The following MRPS27 variants were observed in gnomAD, a reference collection of about 807,000 sequenced individuals.
The protein encoded by MRPS27 is mitochondrial ribosomal protein S27.
In MRPS27, 43 loss-of-function variants were observed where a neutral mutation model predicts 48.9. The ratio of observed to expected loss-of-function variants is 0.88; its 90% confidence interval spans 0.69 to 1.13. The LOEUF is 1.13. Among genes scored for constraint, MRPS27 ranks in the 50% most tolerant of loss-of-function variants. The probability of loss-of-function intolerance (pLI) is 0.00; values close to 1 mark genes in which losing one functional copy is unlikely to be tolerated. For missense variants in MRPS27, 467 were observed against 476.3 expected (o/e 0.98, Z 0.18); for synonymous variants, 188 against 171.9 (o/e 1.09, Z -0.73).
intron 4 of MRPS27, among the ~76,000 whole-genome samples, chr5:72,242,939 T>G (rs1748400599): frequency 1.3e-5 from 2 of 152,198 alleles, no homozygotes; most frequent in South Asian, 4.1e-4. Flanking sequence ...CATTTAGCTG[T>G]AACACACTGG....
intron 4 of MRPS27, among the ~76,000 whole-genome samples, chr5:72,249,031 T>G (rs1372695739): frequency 6.6e-6 from 1 of 152,184 alleles, no homozygotes; most frequent in Admixed American, 6.5e-5. Flanking sequence ...GAATTTCAAG[T>G]GTGGTAGCAA....
At chr5:72,302,484 A>C (rs1750151607) in intron 2 of MRPS27, among the ~76,000 whole-genome samples, 2 of 152,258 alleles carry the variant, frequency 1.3e-5, no homozygotes, top group African/African-American at 4.8e-5. Flanking sequence ...TGTTGCTCCT[A>C]AGCTCAAAGA....
chr5:72,242,669 C>CACAT (rs1318506300), intron 4 of MRPS27, among the ~76,000 whole-genome samples: 13 of 29,314 alleles, frequency 4.4e-4, no homozygotes, highest in African/African-American at 7.4e-4. Flanking sequence ...CCCGTCTACA[C>CACAT]ACACACACAC....
chr5:72,251,157 G>C (rs960109896), intron 4 of MRPS27, among the ~76,000 whole-genome samples: 1 of 152,174 alleles, frequency 6.6e-6, no homozygotes, highest in Non-Finnish European at 1.5e-5. Context: ...CTTGCAGAGC[G>C]CTGGGTACCT....
At position 72,219,571 on chromosome 5, in the gene MRPS27, A is replaced by G. The variant is rs1747685195; in HGVS notation, c.*1338T>C. On this transcript the variant is annotated 3_prime_UTR_variant, in exon 11 of 11. Coordinates refer to ENST00000261413, the MANE Select transcript of MRPS27 (RefSeq NM_015084.3). The stretch of plus-strand genomic sequence containing the variant: ...TTCCAGAGGCTTTTGATAGAAGAGC[A>G]CAATCTTGAATAAAATTACACCACT... 1 of 152,226 alleles carries G rather than the reference A, an allele frequency of 6.6e-6. No homozygotes were observed. The highest frequency in any genetic ancestry group is 6.5e-5 in the Admixed American group (1 of 15,280). 9.4% of individuals were successfully genotyped at this position (152,226 alleles called of 1,614,324 possible).
Position 72,288,506 on chromosome 5 carries a change from G to A in MRPS27, c.281+7025C>T, listed in dbSNP as rs570607821. Among the ~76,000 whole-genome samples the A allele has an allele frequency of 9.8e-4, 150 of 152,316 alleles. 3 individuals are homozygous for A. The South Asian group carries it at 0.03, about 30-fold the overall frequency. ...ATTACAGGCGTGAGCCACTGCGCCCGGCCATGGAGGCCAAGAATTCTAATC... is the reference window on the plus strand; with the variant it reads ...ATTACAGGCGTGAGCCACTGCGCCCAGCCATGGAGGCCAAGAATTCTAATC... On this transcript the variant is annotated intron_variant, in intron 4 of 10. Coordinates refer to ENST00000261413, the MANE Select transcript of MRPS27 (RefSeq NM_015084.3).
intron 4 of MRPS27, among the ~76,000 whole-genome samples, chr5:72,264,575 G>A (rs970583011): frequency 2.0e-5 from 3 of 152,142 alleles, no homozygotes; most frequent in Admixed American, 1.3e-4. Flanking sequence ...GGTGTAGGGG[G>A]CTTAATCCAA....
chr5:72,311,153 G>C (rs1405118693), intron 2 of MRPS27, among the ~76,000 whole-genome samples: 1 of 152,082 alleles, frequency 6.6e-6, no homozygotes, highest in African/African-American at 2.4e-5. Context: ...CCCAAAACTG[G>C]GATATGAATA....
intron 1 of MRPS27, among the ~76,000 whole-genome samples, chr5:72,319,493 AG>A (rs1307966033): frequency 6.7e-6 from 1 of 149,756 alleles, no homozygotes; most frequent in Non-Finnish European, 1.5e-5. Flanking sequence ...CTCAGATGGG[AG>A]AAAAATGTCC....
intron 4 of MRPS27, among the ~76,000 whole-genome samples, chr5:72,280,716 C>T (rs776118345): frequency 2.0e-5 from 3 of 152,220 alleles, no homozygotes; most frequent in African/African-American, 7.2e-5. Flanking sequence ...TACATGCTCC[C>T]AGCCCACAGA....
intron 2 of MRPS27, 70 bp downstream of exon 2, chr5:72,314,011 T>C: frequency 4.6e-6 from 5 of 1,095,878 alleles, no homozygotes; most frequent in Admixed American, 3.8e-5. Flanking sequence ...ATATACGTTA[T>C]ATGAATAAAT....
chr5:72,307,147 T>A (rs1750293410), intron 2 of MRPS27, among the ~76,000 whole-genome samples: 1 of 151,706 alleles, frequency 6.6e-6, no homozygotes, highest in Non-Finnish European at 1.5e-5. Flanking sequence ...AGGTCACGAG[T>A]TCGAGACCAG....
intron 2 of MRPS27, among the ~76,000 whole-genome samples, chr5:72,300,761 T>G (rs1750106103): frequency 6.6e-6 from 1 of 152,236 alleles, no homozygotes; most frequent in South Asian, 2.1e-4. Context: ...GACCTTGTTT[T>G]AACTACTGTC....
chr5:72,289,713 C>T (rs575603353), intron 4 of MRPS27, among the ~76,000 whole-genome samples: 208 of 151,900 alleles, frequency 1.4e-3, no homozygotes, highest in African/African-American at 4.7e-3. Flanking sequence ...TGTGCCTGGC[C>T]TAAAAAAAAA....
At chr5:72,245,333 T>C (rs1438808213) in intron 4 of MRPS27, among the ~76,000 whole-genome samples, 1 of 152,236 alleles carries the variant, frequency 6.6e-6, no homozygotes, top group African/African-American at 2.4e-5. Context: ...TATAAAGTTA[T>C]GGAAACTGGC....
At chr5:72,302,005 T>G (rs938379828) in intron 2 of MRPS27, among the ~76,000 whole-genome samples, 1 of 152,242 alleles carries the variant, frequency 6.6e-6, no homozygotes, top group African/African-American at 2.4e-5. Context: ...GATACTTTTT[T>G]GCTTGCTATT....
chr5:72,270,158 G>A (rs1313144036), intron 4 of MRPS27, among the ~76,000 whole-genome samples: 3 of 148,872 alleles, frequency 2.0e-5, no homozygotes, highest in African/African-American at 4.9e-5. Context: ...GCATCATTAT[G>A]CTCCAGCCTG....
At chr5:72,297,980 A>T (rs1382036426) in intron 2 of MRPS27, among the ~76,000 whole-genome samples, 1 of 152,230 alleles carries the variant, frequency 6.6e-6, no homozygotes, top group Admixed American at 6.5e-5. Flanking sequence ...TATTCTGGAC[A>T]TCGGCCTTCA....
rs1422355360 is a variant in MRPS27, at chr5:72,253,851, G to A, written c.282-15723C>T. Among the ~76,000 whole-genome samples, 6 of 152,218 alleles carry A rather than the reference G, an allele frequency of 3.9e-5. No individual in the cohort carries two copies. The South Asian group carries it at 1.2e-3, about 32-fold the overall frequency. On this transcript the variant is annotated intron_variant, in intron 4 of 10. Coordinates refer to ENST00000261413, the MANE Select transcript of MRPS27 (RefSeq NM_015084.3). ...AAGTCACTACTCAGGATTACACTGA[G>A]TAGTGAAAGATACTTAAATCAAGCT...
Sources: allele counts gnomAD v4.1 joint callset (sites outside exome capture counted in the v4.1 genomes callset), GRCh38; gene constraint gnomAD v4.1.1; transcripts MANE v1.5; gene names NCBI Gene and HGNC (gene_info 2026-07-23, HGNC 2026-07-21).